Variants in KIAA1217 observed in about 807,000 individuals in gnomAD.
KIAA1217 encodes the protein KIAA1217.
In KIAA1217, 88 loss-of-function variants were observed where a neutral mutation model predicts 163.9. That is an observed-to-expected ratio of 0.54 (90% CI 0.45 to 0.64). The LOEUF (loss-of-function observed/expected upper bound fraction) is 0.64. KIAA1217 is among the 30% of genes least tolerant of loss of function. KIAA1217 has a pLI of 0.00. For missense variants in KIAA1217, 2,372 were observed against 2,475.0 expected (o/e 0.96, Z 0.88); for synonymous variants, 903 against 923.1 (o/e 0.98, Z 0.39).
intron 2 of KIAA1217, among the ~76,000 whole-genome samples, chr10:24,175,018 G>T (rs989560889): frequency 1.2e-4 from 12 of 101,752 alleles, no homozygotes; most frequent in African/African-American, 3.6e-4. Flanking sequence ...CACCATGCCT[G>T]GCTAATTTTT....
intron 2 of KIAA1217, among the ~76,000 whole-genome samples, chr10:24,172,310 A>G (rs1443015000): frequency 1.3e-5 from 2 of 152,212 alleles, no homozygotes; most frequent in East Asian, 3.8e-4. Context: ...TATGACCACT[A>G]TGCCAAGAGG....
intron 3 of KIAA1217, among the ~76,000 whole-genome samples, chr10:24,388,254 A>G (rs1377433972): frequency 6.6e-6 from 1 of 152,194 alleles, no homozygotes; most frequent in Non-Finnish European, 1.5e-5. Context: ...AATACCACAC[A>G]TCTACAACTG....
intron 8 of KIAA1217, among the ~76,000 whole-genome samples, chr10:24,500,184 A>ATGTGTGTGT (rs2067351346): frequency 1.4e-5 from 2 of 143,158 alleles, no homozygotes; most frequent in African/African-American, 5.2e-5. Flanking sequence ...ACTGAACAGA[A>ATGTGTGTGT]GTGTGTGTGT....
intron 3 of KIAA1217, among the ~76,000 whole-genome samples, chr10:24,381,893 A>G (rs1564578771): frequency 6.6e-6 from 1 of 152,220 alleles, no homozygotes; most frequent in Non-Finnish European, 1.5e-5. Context: ...ACTGTTCATA[A>G]GAACCATAAA....
chr10:24,064,842 A>T (rs1688553996), intron 2 of KIAA1217, among the ~76,000 whole-genome samples: 1 of 152,190 alleles, frequency 6.6e-6, no homozygotes, highest in Non-Finnish European at 1.5e-5. Context: ...CTATTCAGAG[A>T]TTCAACTTCT....
intron 13 of KIAA1217, among the ~76,000 whole-genome samples, chr10:24,526,978 G>T (rs2072286308): frequency 6.6e-6 from 1 of 152,112 alleles, no homozygotes; most frequent in Non-Finnish European, 1.5e-5. Context: ...TAGGTTATAA[G>T]GTTCCACTAA....
intron 1 of KIAA1217, among the ~76,000 whole-genome samples, chr10:23,843,486 C>A (rs1838882025): frequency 6.6e-6 from 1 of 152,116 alleles, no homozygotes; most frequent in African/African-American, 2.4e-5. Context: ...GTGTTTTCAG[C>A]CAGTTTCCAG....
At chr10:24,421,602 G>A (rs1052786991) in intron 3 of KIAA1217, among the ~76,000 whole-genome samples, 5 of 152,118 alleles carry the variant, frequency 3.3e-5, no homozygotes, top group Admixed American at 2.0e-4. Flanking sequence ...TTTCATCACT[G>A]AGCCTGATAC....
chr10:24,433,526 C>T (rs1225035862), intron 4 of KIAA1217, among the ~76,000 whole-genome samples: 1 of 151,080 alleles, frequency 6.6e-6, no homozygotes, highest in Admixed American at 6.6e-5. Flanking sequence ...CAAATTTCTC[C>T]GCCACAGATT....
chr10:23,869,486 A>G (rs1310864128), intron 1 of KIAA1217, among the ~76,000 whole-genome samples: 5 of 152,042 alleles, frequency 3.3e-5, no homozygotes, highest in Non-Finnish European at 7.4e-5. Flanking sequence ...ATTGACTACA[A>G]GTGGAAAGAT....
intron 2 of KIAA1217, among the ~76,000 whole-genome samples, chr10:24,033,934 C>G (rs10828590): frequency 0.33 from 49,975 of 152,036 alleles, 8,830 homozygotes; most frequent in Middle Eastern, 0.5. Flanking sequence ...TGTTTGGCTC[C>G]TTACAGAAAA....
At chr10:24,462,945 G>A (rs1485937107) in intron 5 of KIAA1217, among the ~76,000 whole-genome samples, 3 of 152,168 alleles carry the variant, frequency 2.0e-5, no homozygotes, top group African/African-American at 7.2e-5. Flanking sequence ...ACATTAAAAG[G>A]GAGCTGTGCA....
At chr10:23,754,730 G>C (rs1833834415) in intron 1 of KIAA1217, among the ~76,000 whole-genome samples, 1 of 152,022 alleles carries the variant, frequency 6.6e-6, no homozygotes, top group Non-Finnish European at 1.5e-5. Context: ...CTGACACTCA[G>C]CTGCTTAGAT....
intron 2 of KIAA1217, among the ~76,000 whole-genome samples, chr10:24,112,685 C>T (rs571996334): frequency 8.6e-5 from 13 of 152,016 alleles, no homozygotes; most frequent in South Asian, 6.2e-4. Flanking sequence ...CCTGGGTTCA[C>T]GCCATTCTCC....
At chr10:24,146,450 A>G (rs941146440) in intron 2 of KIAA1217, among the ~76,000 whole-genome samples, 2 of 152,188 alleles carry the variant, frequency 1.3e-5, no homozygotes, top group African/African-American at 4.8e-5. Flanking sequence ...AATTATCATC[A>G]AGCATTTGTT....
chr10:24,245,727 G>T (rs940953351), intron 2 of KIAA1217, among the ~76,000 whole-genome samples: 1 of 151,958 alleles, frequency 6.6e-6, no homozygotes, highest in African/African-American at 2.4e-5. Flanking sequence ...AACCTCCCGG[G>T]CTCAAGCAAT....
At chr10:23,964,740 A>T (rs11812131) in intron 1 of KIAA1217, among the ~76,000 whole-genome samples, 20,140 of 151,904 alleles carry the variant, frequency 0.13, 2,706 homozygotes, top group African/African-American at 0.35. Flanking sequence ...ATTTTTTAGT[A>T]GAGACGGGGT....
intron 1 of KIAA1217, among the ~76,000 whole-genome samples, chr10:23,974,099 G>A (rs758177317): frequency 4.6e-5 from 7 of 152,218 alleles, no homozygotes; most frequent in African/African-American, 7.2e-5. Context: ...CACAGATGTA[G>A]AGGACTAGTT....
intron 2 of KIAA1217, among the ~76,000 whole-genome samples, chr10:24,257,017 A>C (rs1427820799): frequency 6.6e-6 from 1 of 152,200 alleles, no homozygotes; most frequent in African/African-American, 2.4e-5. Context: ...ATTTGGGGAC[A>C]TATAAATGTA....
Sources: allele counts gnomAD v4.1 joint callset (sites outside exome capture counted in the v4.1 genomes callset), GRCh38; gene constraint gnomAD v4.1.1; transcripts MANE v1.5; gene names NCBI Gene and HGNC (gene_info 2026-07-23, HGNC 2026-07-21).